The following KAZN variants were observed in gnomAD, a reference collection of about 807,000 sequenced individuals.
KAZN encodes the protein kazrin, periplakin interacting protein.
In KAZN, 40 loss-of-function variants were observed where a neutral mutation model predicts 87.4. The ratio of observed to expected loss-of-function variants is 0.46; its 90% confidence interval spans 0.36 to 0.60. The LOEUF (loss-of-function observed/expected upper bound fraction) is 0.60. Ranked by LOEUF, KAZN falls within the 20% of genes least tolerant of loss-of-function variation. The pLI, the probability that KAZN is intolerant of heterozygous loss-of-function variation, is 0.00. For synonymous variants in KAZN, 466 were observed against 458.3 expected (o/e 1.02, Z -0.22); for missense variants, 898 against 1,073.9 (o/e 0.84, Z 2.29).
At chr1:15,011,633 C>T (rs1669582682) in intron 2 of KAZN, among the ~76,000 whole-genome samples, 1 of 152,202 alleles carries the variant, frequency 6.6e-6, no homozygotes, top group South Asian at 2.1e-4. Flanking sequence ...TCTGTGCTAG[C>T]AGGGTGCCAA....
At chr1:14,374,467 T>C (rs1221266191) in intron 2 of KAZN, among the ~76,000 whole-genome samples, 1 of 152,208 alleles carries the variant, frequency 6.6e-6, no homozygotes, top group African/African-American at 2.4e-5. Context: ...GAAAATATCT[T>C]AGCCAAACCT....
intron 3 of KAZN, among the ~76,000 whole-genome samples, chr1:15,040,584 G>A (rs566392917): frequency 3.3e-5 from 5 of 152,210 alleles, no homozygotes; most frequent in African/African-American, 9.6e-5. Flanking sequence ...TGGCCAACAT[G>A]ACAAAAGCCT....
chr1:14,790,264 G>A (rs893230383), intron 1 of KAZN, among the ~76,000 whole-genome samples: 2 of 151,516 alleles, frequency 1.3e-5, no homozygotes, highest in South Asian at 2.1e-4. Flanking sequence ...CGCTCACCTC[G>A]GCCTCCCAAA....
intron 1 of KAZN, among the ~76,000 whole-genome samples, chr1:14,034,501 C>T (rs538760872): frequency 9.2e-5 from 14 of 152,276 alleles, no homozygotes; most frequent in South Asian, 4.1e-4. Flanking sequence ...TCAAAGGTGT[C>T]GAGCTGGGTC....
chr1:15,083,399 T>C (rs981789082), intron 8 of KAZN, among the ~76,000 whole-genome samples: 1 of 152,202 alleles, frequency 6.6e-6, no homozygotes, highest in Non-Finnish European at 1.5e-5. Context: ...CCAGGCTGCC[T>C]GTGTCACTCC....
intron 1 of KAZN, among the ~76,000 whole-genome samples, chr1:14,830,249 G>A (rs139882820): frequency 1.8e-4 from 28 of 152,266 alleles, no homozygotes; most frequent in African/African-American, 6.5e-4. Flanking sequence ...CGTAGCAGGT[G>A]GCCATGAGAA....
At chr1:14,910,334 G>T (rs531790627) in intron 1 of KAZN, among the ~76,000 whole-genome samples, 1 of 152,338 alleles carries the variant, frequency 6.6e-6, no homozygotes, top group South Asian at 2.1e-4. Flanking sequence ...CCATGTGGGT[G>T]CCCTACCAAC....
intron 1 of KAZN, among the ~76,000 whole-genome samples, chr1:14,900,438 C>A (rs1463332367): frequency 1.3e-5 from 2 of 152,060 alleles, no homozygotes; most frequent in African/African-American, 4.8e-5. Context: ...ATAGGGTCAT[C>A]AGAAGGATCG....
At chr1:15,004,545 G>A (rs1668811550) in intron 2 of KAZN, among the ~76,000 whole-genome samples, 1 of 152,214 alleles carries the variant, frequency 6.6e-6, no homozygotes, top group Non-Finnish European at 1.5e-5. Flanking sequence ...GGTGTTTTGA[G>A]AATCAAATGA....
intron 13 of KAZN, among the ~76,000 whole-genome samples, chr1:15,110,465 T>C (rs1423126575): frequency 7.0e-6 from 1 of 142,716 alleles, no homozygotes; most frequent in Non-Finnish European, 1.6e-5. Context: ...TTGTGTGTGT[T>C]TGTATGTTTG....
chr1:14,209,047 A>C (rs899394641), intron 2 of KAZN, among the ~76,000 whole-genome samples: 1 of 152,200 alleles, frequency 6.6e-6, no homozygotes, highest in African/African-American at 2.4e-5. Context: ...ATGCTTGTAC[A>C]TTATCTCTGC....
At chr1:14,277,676 AAG>A (rs1191068692) in intron 2 of KAZN, among the ~76,000 whole-genome samples, 2 of 151,416 alleles carry the variant, frequency 1.3e-5, no homozygotes, top group African/African-American at 4.9e-5. Flanking sequence ...AAAAAAAAAA[AAG>A]AAAAAAGAAA....
At chr1:14,467,332 T>C (rs1223030908) in intron 2 of KAZN, among the ~76,000 whole-genome samples, 1 of 145,406 alleles carries the variant, frequency 6.9e-6, no homozygotes, top group African/African-American at 2.5e-5. Context: ...AAATATATTA[T>C]AAAAAAAAAA....
At chr1:14,543,751 C>T (rs1024579491) in intron 2 of KAZN, among the ~76,000 whole-genome samples, 2 of 152,050 alleles carry the variant, frequency 1.3e-5, no homozygotes, top group African/African-American at 4.8e-5. Flanking sequence ...TGGAGACCAC[C>T]GTATTATGAG....
intron 4 of KAZN, among the ~76,000 whole-genome samples, chr1:15,048,667 G>GTCGGTC: frequency 7.0e-6 from 1 of 142,392 alleles, no homozygotes; most frequent in Non-Finnish European, 1.5e-5. Context: ...GTCCTGGGTC[G>GTCGGTC]CTGGTCCTGG....
At chr1:14,068,956 G>A (rs575059797) in intron 1 of KAZN, among the ~76,000 whole-genome samples, 3 of 152,044 alleles carry the variant, frequency 2.0e-5, no homozygotes, top group African/African-American at 4.8e-5. Flanking sequence ...GTGCCACCAC[G>A]CCTGGTTAAT....
At chr1:13,979,697 G>A (rs1367610655) in intron 1 of KAZN, among the ~76,000 whole-genome samples, 1 of 152,170 alleles carries the variant, frequency 6.6e-6, no homozygotes, top group Non-Finnish European at 1.5e-5. Flanking sequence ...GGGAGGCCGA[G>A]GCGGGCGGAT....
At position 14,603,892 on chromosome 1, in the gene KAZN, T is replaced by C. The variant is rs149320441; in HGVS notation, c.226+4669T>C. On this transcript the variant is annotated intron_variant, in intron 1 of 14. Coordinates refer to ENST00000376030, the MANE Select transcript of KAZN (RefSeq NM_201628.3). ...TTGCCTGCTCACCGTGCATATCATA[T>C]GGGGCCCAGAAGGTCAAGCTTGGGA... is the stretch of plus-strand genomic sequence containing the variant. 5.7e-3 allele frequency among the ~76,000 whole-genome samples: 870 copies of C among 152,288 alleles called. 6 individuals carry two copies. The highest frequency in any genetic ancestry group is 0.019 in the African/African-American group (805 of 41,556).
intron 1 of KAZN, among the ~76,000 whole-genome samples, chr1:13,896,530 G>A (rs181371909): frequency 8.5e-5 from 13 of 152,222 alleles, no homozygotes; most frequent in African/African-American, 2.9e-4. Flanking sequence ...GGGCTCAAGC[G>A]ATCCTTCTGT....
Sources: allele counts gnomAD v4.1 joint callset (sites outside exome capture counted in the v4.1 genomes callset), GRCh38; gene constraint gnomAD v4.1.1; transcripts MANE v1.5; gene names NCBI Gene and HGNC (gene_info 2026-07-23, HGNC 2026-07-21).